MICALL2: variants seen among roughly 807,000 people sequenced by gnomAD.
MICALL2 encodes MICAL-like protein 2.
In MICALL2, 111 loss-of-function variants were observed where a neutral mutation model predicts 91.1. The ratio of observed to expected loss-of-function variants is 1.22; its 90% CI spans 1.04 to 1.43. The LOEUF (loss-of-function observed/expected upper bound fraction) is 1.43, where lower values mean the gene tolerates loss of function less well. MICALL2 is among the 40% of genes most tolerant of loss of function. MICALL2 has a pLI of 0.00. For missense variants in MICALL2, 1,556 were observed against 1,236.0 expected (o/e 1.26, Z -3.88); for synonymous variants, 694 against 525.3 (o/e 1.32, Z -4.39).
chr7:1,457,278 G>A (rs903658335), intron 1 of MICALL2, among the ~76,000 whole-genome samples: 2 of 152,224 alleles, frequency 1.3e-5, no homozygotes, highest in African/African-American at 2.4e-5. Flanking sequence ...CACCAGGGGT[G>A]CAGCAGTGAA....
chr7:1,446,951 C>CTTT, intron 4 of MICALL2, 123 bp from the exon 5 acceptor site: 1 of 701,280 alleles, frequency 1.4e-6, no homozygotes. Context: ...GAGGAGCCGC[C>CTTT]AGCAGGGCTG....
Position 1,440,019 on chromosome 7 carries a change from G to A in MICALL2, c.1872C>T (p.Val624=), listed in dbSNP as rs1780203438. The change falls in exon 9 of 17, where the codon GTC becomes GTT. Residue 624 remains valine, a synonymous_variant. Transcript: ENST00000297508. ...EPRAGEAPRK[V]SGSFAGSVHI... is the part of the protein sequence containing the mutation. The stretch of plus-strand genomic sequence containing the variant: ...GGACACTCCCAGCAAAGCTGCCTGA[G>A]ACCTTCCTGGGGGCCTCCCCCGCCC... The A allele has an allele frequency of 6.4e-7, 1 of 1,570,996 alleles. No individual in the cohort carries two copies. Among genetic ancestry groups the A allele is most frequent in the African/African-American group, 1.4e-5 (1 of 71,550 alleles).
intron 7 of MICALL2, 142 bp from the exon 8 acceptor site, chr7:1,440,826 T>TCA (rs1419682530): frequency 1.5e-6 from 1 of 674,454 alleles, no homozygotes; most frequent in African/African-American, 1.8e-5. Context: ...CCGGGGGGCA[T>TCA]CAGGAGCACC....
intron 2 of MICALL2, among the ~76,000 whole-genome samples, chr7:1,449,791 G>A (rs1339252519): frequency 6.6e-6 from 1 of 152,244 alleles, no homozygotes; most frequent in Non-Finnish European, 1.5e-5. Flanking sequence ...ACACAGGGAA[G>A]GGCCTGGAAG....
intron 1 of MICALL2, among the ~76,000 whole-genome samples, chr7:1,458,546 G>A (rs570952331): frequency 6.6e-6 from 1 of 152,382 alleles, no homozygotes; most frequent in East Asian, 1.9e-4. Flanking sequence ...CAACGGGCAG[G>A]GCCAGCTGCC....
At chr7:1,440,448 G>T in intron 8 of MICALL2, 143 bp downstream of exon 8, 2 of 756,422 alleles carry the variant, frequency 2.6e-6, no homozygotes, top group African/African-American at 1.7e-5. Context: ...TGTCCCTCAG[G>T]CAGGGGTGAC....
At chr7:1,443,618 G>A (rs1461816787) in intron 6 of MICALL2, among the ~76,000 whole-genome samples, 1 of 152,148 alleles carries the variant, frequency 6.6e-6, no homozygotes, top group African/African-American at 2.4e-5. Context: ...CATGTCCTTA[G>A]AAGAGACAGA....
In MICALL2 at chr7:1,447,794, G is replaced by A. The variant is rs1780667302; in HGVS notation, c.335-29C>T. On this transcript the variant is annotated intron_variant, in intron 3 of 16. Transcript: ENST00000297508. Reference sequence around the variant, plus strand: ...GAGGAATCAAGCAGGGATCGGGAGGGTCCCAGGCCTGGCTCTGAAAGGGTC... The same window carrying A: ...GAGGAATCAAGCAGGGATCGGGAGGATCCCAGGCCTGGCTCTGAAAGGGTC... 3.4e-6 allele frequency: 5 copies of A among 1,463,076 alleles called. No individual in the cohort carries two copies. The African/African-American group carries it at 5.7e-5, about 17-fold the overall frequency. 90.6% of individuals were successfully genotyped at this position (1,463,076 alleles called of 1,614,324 possible). A position where few individuals can be genotyped will look rare whatever the true frequency, so the allele number is the denominator to read the frequency against.
In MICALL2 at chr7:1,445,446, C is replaced by T. The variant is rs142715574; in HGVS notation, c.642-18G>A. The T allele has an allele frequency of 6.4e-4, 957 of 1,498,160 alleles. 7 individuals carry two copies. The African/African-American group carries it at 0.011, about 17-fold the overall frequency. 92.8% of individuals were successfully genotyped at this position (1,498,160 alleles called of 1,614,324 possible). On this transcript the variant is annotated intron_variant, in intron 5 of 16. Coordinates refer to ENST00000297508, the MANE Select transcript of MICALL2 (RefSeq NM_182924.4). ...GCTTACACCTGGGGGAGGAAAGGCA[C>T]AGGAGCCCCAGCTCGGCACCGCCCA... is the stretch of plus-strand genomic sequence containing the variant.
rs1022686008 is a variant in MICALL2, at chr7:1,451,451, G to C, written c.144-1163C>G. ...GGAGGCCAAGGCAGAAGGATTGCTT[G>C]AGCCCAGGAATTCGAGATCAGCCTG... On this transcript the variant is annotated intron_variant, in intron 1 of 16. Transcript: ENST00000297508. This position sits in a 1 kb window ranked among gnomAD's most constrained non-coding sequence, Gnocchi z 4.5. Among the ~76,000 whole-genome samples the C allele has an allele frequency of 6.6e-6, 1 of 152,194 alleles. No individual in the cohort carries two copies. Among genetic ancestry groups the C allele is most frequent in the Non-Finnish European group, 1.5e-5 (1 of 68,028 alleles).
rs1002527130 is a variant in MICALL2 at position 1,444,681 on chromosome 7, C to T, written c.1389G>A (p.Leu463=). 1.1e-5 allele frequency: 18 copies of T among 1,611,724 alleles called. No individual in the cohort carries two copies. The highest frequency in any genetic ancestry group is 1.1e-4 in the African/African-American group (8 of 74,946). ...CAGGCGCCGGAGCGCCAGCCTCTTC[C>T]AGCGCTGAGAGGGCCTGCTTGAGGA... is the stretch of plus-strand genomic sequence containing the variant. ...RNFLKQALSA[L]EEAGAPAPGR... is the part of the protein sequence containing the mutation. The change falls in exon 6 of 17, where the codon CTG becomes CTA. Residue 463 remains leucine, a synonymous_variant. Transcript: ENST00000297508.
chr7:1,444,320 G>A (rs1029509450), intron 6 of MICALL2, among the ~76,000 whole-genome samples: 1 of 151,968 alleles, frequency 6.6e-6, no homozygotes, highest in African/African-American at 2.4e-5. Flanking sequence ...ACCTGTCCCC[G>A]CGTCCATGAA....
chr7:1,441,874 G>A, intron 7 of MICALL2: 2 of 382,542 alleles, frequency 5.2e-6, no homozygotes, highest in Non-Finnish European at 9.5e-6. Context: ...CCAGGCCACT[G>A]CTAGCCACAG....
chr7:1,455,311 GGT>G (rs1260338245), intron 1 of MICALL2, among the ~76,000 whole-genome samples: 1 of 152,202 alleles, frequency 6.6e-6, no homozygotes, highest in Non-Finnish European at 1.5e-5. Flanking sequence ...GTTTGTTCTG[GGT>G]GGTTTCTGAG....
rs755140922 is a variant in MICALL2 at position 1,439,970 on chromosome 7, G to C, written c.1921C>G (p.Pro641Ala). The C allele has an allele frequency of 2.9e-5, 44 of 1,520,166 alleles. No individual in the cohort carries two copies. The African/African-American group carries it at 4.9e-4, about 17-fold the overall frequency. The allele number at this position is 1,520,166 out of a possible 1,614,324, so 94.2% of individuals were successfully genotyped here. ...SVHITLTPVR[P>A]DRTPRPASPG... ...CTGGCTGGGCGTGGGGTCCTGTCAG[G>C]CCTCACGGGGGTCAGGGTGATGTGG... The change falls in exon 9 of 17, where the codon CCT becomes GCT. Residue 641 changes from proline (P) to alanine (A), a missense_variant. Physicochemically the swap from Pro to Ala is conservative, Grantham distance 27. Transcript: ENST00000297508.
chr7:1,447,459 G>A (rs932810688), intron 4 of MICALL2, 116 bp downstream of exon 4: 2 of 634,836 alleles, frequency 3.2e-6, no homozygotes, highest in Non-Finnish European at 5.4e-6. Flanking sequence ...GACTGGGGGA[G>A]CCGCACCCCA....
At position 1,459,333 on chromosome 7, in the gene MICALL2, G is replaced by T. The variant is rs759917464; in HGVS notation, c.-7C>A. ...GCGCCCTGATGGCCGCCATGTGGGC[G>T]GCGCGCCCGCCGCGCGGCGGAACCG... is the stretch of plus-strand genomic sequence containing the variant. On this transcript the variant is annotated 5_prime_UTR_variant, in exon 1 of 17. Transcript: ENST00000297508. The T allele has an allele frequency of 5.9e-6, 9 of 1,518,766 alleles. No homozygotes were observed. The highest frequency in any genetic ancestry group is 1.2e-5 in the South Asian group (1 of 80,750). The allele number at this position is 1,518,766 out of a possible 1,614,324, so 94.1% of individuals were successfully genotyped here.
Position 1,437,983 on chromosome 7 carries a change from G to T in MICALL2, c.2312-3C>A. Reference sequence around the variant, plus strand: ...CATGAGGCTATCCTCAGCGTCATCTGGGGAGAGGAGCCAGCTGGGGCAGGG... The same window carrying T: ...CATGAGGCTATCCTCAGCGTCATCTTGGGAGAGGAGCCAGCTGGGGCAGGG... On this transcript the variant is annotated splice_polypyrimidine_tract_variant and splice_region_variant and intron_variant, in intron 12 of 16. Coordinates refer to ENST00000297508, the MANE Select transcript of MICALL2 (RefSeq NM_182924.4). 6.4e-7 allele frequency: 1 copy of T among 1,550,798 alleles called. No homozygotes were observed. Among genetic ancestry groups the T allele is most frequent in the East Asian group, 2.4e-5 (1 of 41,238 alleles).
At chr7:1,443,278 T>C (rs1780401221) in intron 6 of MICALL2, among the ~76,000 whole-genome samples, 1 of 149,754 alleles carries the variant, frequency 6.7e-6, no homozygotes, top group East Asian at 2.0e-4. Context: ...CACCCCCCAG[T>C]GCCAGGAGGA....
Sources: gnomAD v4.1 joint callset for allele counts (sites outside exome capture counted in the v4.1 genomes callset) on GRCh38, gnomAD v4.1.1 for gene constraint, Gnocchi (gnomAD v3.1) non-coding constraint, MANE v1.5 for transcripts, NCBI Gene and HGNC (gene_info 2026-07-23, HGNC 2026-07-21) for gene names.